TSNARE1: variants seen among roughly 807,000 people sequenced by gnomAD.
TSNARE1 encodes the protein t-SNARE domain containing 1.
TSNARE1 carries 49 observed loss-of-function variants against 62.0 expected under a neutral mutation model. That is an observed-to-expected ratio of 0.79 (90% CI 0.63 to 1.00). The LOEUF is 1.00. TSNARE1 is among the 50% of genes least tolerant of loss of function. TSNARE1 has a pLI of 0.00. For synonymous variants in TSNARE1, 328 were observed against 294.4 expected, an observed-to-expected ratio of 1.11 and a Z score of -1.17; for missense variants, 755 against 700.1, an observed-to-expected ratio of 1.08 and a Z score of -0.88.
intron 1 of TSNARE1, among the ~76,000 whole-genome samples, chr8:142,388,518 G>A (rs887151094): frequency 1.3e-4 from 15 of 115,510 alleles, no homozygotes; most frequent in African/African-American, 4.4e-4. Flanking sequence ...AAAAAAAAAA[G>A]AAGAAATCAG....
At chr8:142,301,392 C>T (rs1392028668) in intron 9 of TSNARE1, among the ~76,000 whole-genome samples, 5 of 132,226 alleles carry the variant, frequency 3.8e-5, no homozygotes, top group African/African-American at 1.5e-4. Context: ...CTTCCCCTCC[C>T]GTCAGGAGCC....
chr8:142,262,783 G>A (rs552578829), intron 12 of TSNARE1, among the ~76,000 whole-genome samples: 2 of 152,246 alleles, frequency 1.3e-5, no homozygotes, highest in South Asian at 2.1e-4. Context: ...AGCAGAAGCC[G>A]CTATGCTTCC....
upstream of TSNARE1, chr8:142,405,249 C>G (rs1360670262): frequency 6.6e-6 from 1 of 152,178 alleles, no homozygotes; most frequent in African/African-American, 2.4e-5. Context: ...GGCCGGGGCT[C>G]CCCTCCCTTC....
intron 1 of TSNARE1, among the ~76,000 whole-genome samples, chr8:142,376,227 C>G (rs937114371): frequency 6.6e-6 from 1 of 152,132 alleles, no homozygotes; most frequent in African/African-American, 2.4e-5. Context: ...GTGTGTCTCA[C>G]GCAGTGAGAC....
chr8:142,299,220 C>G (rs73368562), intron 10 of TSNARE1, among the ~76,000 whole-genome samples: 11,787 of 152,266 alleles, frequency 0.077, 1,070 homozygotes, highest in African/African-American at 0.21. Context: ...GGCCACAGAA[C>G]TAAGGGGCAA....
chr8:142,273,064 G>A (rs1215538895), intron 12 of TSNARE1: 51 of 985,300 alleles, frequency 5.2e-5, no homozygotes, highest in African/African-American at 1.0e-4. Flanking sequence ...CACCTCCTCT[G>A]CAGTGTGTCG....
chr8:142,354,610 G>C (rs377035650), intron 2 of TSNARE1, 27 bp downstream of exon 2: 56 of 1,253,112 alleles, frequency 4.5e-5, no homozygotes, highest in Non-Finnish European at 5.7e-5. Flanking sequence ...CCTCCTCCCC[G>C]CCCCCACTTC....
intron 13 of TSNARE1, among the ~76,000 whole-genome samples, chr8:142,214,395 G>A (rs543478344): frequency 4.6e-5 from 7 of 151,492 alleles, no homozygotes; most frequent in South Asian, 2.1e-4. Flanking sequence ...CCGCCACCCC[G>A]GATTTGGGAT....
intron 12 of TSNARE1, among the ~76,000 whole-genome samples, chr8:142,258,663 G>A (rs1818711599): frequency 6.6e-6 from 1 of 151,864 alleles, no homozygotes; most frequent in Non-Finnish European, 1.5e-5. Flanking sequence ...TTTTGTAGTT[G>A]TATTAGAGAC....
At chr8:142,282,961 G>A (rs1379584997) in intron 11 of TSNARE1, among the ~76,000 whole-genome samples, 8 of 149,120 alleles carry the variant, frequency 5.4e-5, no homozygotes, top group Non-Finnish European at 1.0e-4. Flanking sequence ...CAGAGGGGAG[G>A]CCACTGTCTG....
intron 4 of TSNARE1, among the ~76,000 whole-genome samples, chr8:142,341,067 G>T (rs983391681): frequency 6.6e-6 from 1 of 152,202 alleles, no homozygotes; most frequent in Non-Finnish European, 1.5e-5. Flanking sequence ...GGTCGGAAAA[G>T]GAGGTGCTCA....
intron 1 of TSNARE1, among the ~76,000 whole-genome samples, chr8:142,401,688 G>A (rs1418250817): frequency 1.3e-5 from 2 of 152,164 alleles, no homozygotes; most frequent in Admixed American, 1.3e-4. Flanking sequence ...CATGGGGCCA[G>A]GCCAGCAGAG....
At chr8:142,349,704 A>C (rs1419955746) in intron 2 of TSNARE1, among the ~76,000 whole-genome samples, 3 of 152,226 alleles carry the variant, frequency 2.0e-5, no homozygotes, top group Admixed American at 6.5e-5. Flanking sequence ...CTGTGAAAGC[A>C]GCAGCAGCCA....
At chr8:142,245,049 C>CA (rs1817831585) in intron 12 of TSNARE1, among the ~76,000 whole-genome samples, 1 of 152,210 alleles carries the variant, frequency 6.6e-6, no homozygotes, top group Admixed American at 6.5e-5. Context: ...TCGCAGTGAA[C>CA]AAAACACAAA....
Position 142,347,327 on chromosome 8 carries a change from C to G in TSNARE1, c.89-1435G>C, listed in dbSNP as rs180952084. 1.3e-3 allele frequency among the ~76,000 whole-genome samples: 204 copies of G among 152,358 alleles called. 2 individuals carry two copies. The highest frequency in any genetic ancestry group is 1.5e-3 in the Non-Finnish European group (105 of 68,034). ...ACCCACGAAGAGGCACTGACCAAGG[C>G]CCGGAGGGGGCCCAAGTCACAGAGG... On this transcript the variant is annotated intron_variant, in intron 2 of 13. Transcript: ENST00000524325.
At chr8:142,277,505 C>T (rs1033801995) in intron 11 of TSNARE1, 76 of 985,344 alleles carry the variant, frequency 7.7e-5, no homozygotes, top group Middle Eastern at 1.0e-3. Flanking sequence ...AAAGCATGGC[C>T]GGCTCGGGGC....
chr8:142,232,714 A>C (rs1817184005), intron 12 of TSNARE1, among the ~76,000 whole-genome samples: 1 of 152,178 alleles, frequency 6.6e-6, no homozygotes, highest in Non-Finnish European at 1.5e-5. Flanking sequence ...CCGTATCTGG[A>C]CACCGACTTC....
chr8:142,221,214 T>C (rs1033891266), intron 13 of TSNARE1, among the ~76,000 whole-genome samples: 8 of 152,184 alleles, frequency 5.3e-5, no homozygotes, highest in African/African-American at 1.9e-4. Flanking sequence ...GAATGCCCAT[T>C]AAAGCACCTA....
intron 4 of TSNARE1, among the ~76,000 whole-genome samples, chr8:142,343,460 C>G (rs984524892): frequency 2.0e-5 from 3 of 151,680 alleles, no homozygotes; most frequent in Non-Finnish European, 2.9e-5. Context: ...CTACCCCAGG[C>G]AGCAACGGCA....
Sources: gnomAD v4.1 joint callset for allele counts (sites outside exome capture counted in the v4.1 genomes callset) on GRCh38, gnomAD v4.1.1 for gene constraint, MANE v1.5 for transcripts, NCBI Gene and HGNC (gene_info 2026-07-23, HGNC 2026-07-21) for gene names.